ADGRL3: variants seen among roughly 807,000 people sequenced by gnomAD.
ADGRL3 encodes the protein adhesion G protein-coupled receptor L3.
Under a neutral mutation model 153.5 loss-of-function variants are expected in ADGRL3, and 62 were observed. The ratio of observed to expected loss-of-function variants is 0.40; its 90% confidence interval spans 0.33 to 0.50. ADGRL3 has a LOEUF of 0.50. ADGRL3 is among the 20% of genes least tolerant of loss of function. The probability of loss-of-function intolerance (pLI) is 0.47; values close to 1 mark genes in which losing one functional copy is unlikely to be tolerated. For synonymous variants in ADGRL3, 710 were observed against 672.5 expected (o/e 1.06, Z -0.86); for missense variants, 1,641 against 1,859.4 (o/e 0.88, Z 2.16).
At chr4:62,052,399 G>A (rs1734699027) in intron 25 of ADGRL3, among the ~76,000 whole-genome samples, 1 of 151,078 alleles carries the variant, frequency 6.6e-6, no homozygotes, top group African/African-American at 2.4e-5. Context: ...CTATTCATTT[G>A]CTTCCATTTT....
At chr4:61,865,987 A>G (rs1027595425) in intron 9 of ADGRL3, among the ~76,000 whole-genome samples, 2 of 152,190 alleles carry the variant, frequency 1.3e-5, no homozygotes, top group Non-Finnish European at 2.9e-5. Context: ...GTGAAAATGA[A>G]TGATGCATGT....
chr4:61,947,227 A>G (rs2098928661), intron 16 of ADGRL3, 105 bp downstream of exon 16: 5 of 888,994 alleles, frequency 5.6e-6, no homozygotes, highest in Non-Finnish European at 8.5e-6. Flanking sequence ...TATTTGACAT[A>G]TAACAGTTCA....
In ADGRL3 at chr4:62,037,842, T is replaced by C; in HGVS notation, c.3703T>C (p.Ser1235Pro). Residue 1235 changes from serine (S) to proline (P), a missense_variant, in exon 24 of 27, where the codon TCC (serine) becomes CCC (proline). Transcript: ENST00000683033. ...TGGTTCTCGAACTCCTGGACGCTACTCCACAGGCTCACAGGTAAACAATAT... is the reference window on the plus strand; with the variant it reads ...TGGTTCTCGAACTCCTGGACGCTACCCCACAGGCTCACAGGTAAACAATAT... ...TSGSRTPGRY[S>P]TGSQSRIRRM... 1.2e-6 allele frequency: 2 copies of C among 1,613,720 alleles called. No individual in the cohort carries two copies. Among genetic ancestry groups the C allele is most frequent in the Non-Finnish European group, 1.7e-6 (2 of 1,179,742 alleles).
chr4:61,366,565 G>C (rs1446663285), intron 1 of ADGRL3, among the ~76,000 whole-genome samples: 2 of 152,122 alleles, frequency 1.3e-5, no homozygotes, highest in African/African-American at 4.8e-5. Context: ...TTAAGTAGTT[G>C]TGGATCCTAA....
intron 2 of ADGRL3, among the ~76,000 whole-genome samples, chr4:61,455,645 A>G (rs1400971857): frequency 6.6e-6 from 1 of 151,936 alleles, no homozygotes; most frequent in Non-Finnish European, 1.5e-5. Context: ...CTGCTATTCT[A>G]TTTCATTGTA....
At chr4:61,564,426 C>T (rs2098808530) in intron 4 of ADGRL3, among the ~76,000 whole-genome samples, 1 of 152,100 alleles carries the variant, frequency 6.6e-6, no homozygotes, top group African/African-American at 2.4e-5. Context: ...AGGTGCACAC[C>T]ACAATGCCTG....
chr4:61,551,096 G>A (rs2098738303), intron 4 of ADGRL3, among the ~76,000 whole-genome samples: 1 of 152,028 alleles, frequency 6.6e-6, no homozygotes, highest in African/African-American at 2.4e-5. Context: ...ATGTTAGTAG[G>A]CTGTAAGTAA....
chr4:61,953,245 T>C (rs2098954097), intron 17 of ADGRL3, among the ~76,000 whole-genome samples: 1 of 152,110 alleles, frequency 6.6e-6, no homozygotes, highest in Admixed American at 6.6e-5. Context: ...TACAGGAAAA[T>C]CTGTAAAGGA....
chr4:61,966,437 A>G (rs571055076), intron 17 of ADGRL3, among the ~76,000 whole-genome samples: 1 of 152,316 alleles, frequency 6.6e-6, no homozygotes, highest in South Asian at 2.1e-4. Context: ...ATGACTCTGT[A>G]AGAATGATAA....
At chr4:62,007,383 T>TATATATATATATATACACAG (rs71213024) in intron 21 of ADGRL3, among the ~76,000 whole-genome samples, 1 of 30,782 alleles carries the variant, frequency 3.2e-5, no homozygotes, top group Admixed American at 4.2e-4. Context: ...TATATATATA[T>TATATATATATATATACACAG]ACACACACAC....
chr4:61,449,515 T>C (rs1370179525), intron 2 of ADGRL3, among the ~76,000 whole-genome samples: 2 of 152,036 alleles, frequency 1.3e-5, no homozygotes, highest in Non-Finnish European at 2.9e-5. Flanking sequence ...GCAGGTACAG[T>C]TTAAAAGTAC....
intron 5 of ADGRL3, among the ~76,000 whole-genome samples, chr4:61,668,435 G>A (rs993722840): frequency 3.3e-5 from 5 of 152,128 alleles, no homozygotes; most frequent in Non-Finnish European, 5.9e-5. Context: ...TTAAGTTAGT[G>A]GTAGTTTGAT....
At chr4:61,271,071 A>G (rs1052897163) in intron 1 of ADGRL3, among the ~76,000 whole-genome samples, 1 of 151,826 alleles carries the variant, frequency 6.6e-6, no homozygotes, top group African/African-American at 2.4e-5. Flanking sequence ...TAAAAAAATA[A>G]TAGTAACAGG....
chr4:61,407,959 T>C (rs555602643), intron 2 of ADGRL3, among the ~76,000 whole-genome samples: 22 of 152,112 alleles, frequency 1.4e-4, no homozygotes, highest in Admixed American at 5.2e-4. Flanking sequence ...TTATGAGGAA[T>C]GCATCTGGAA....
chr4:61,788,335 A>G lies in ADGRL3; in HGVS notation c.1400-25474A>G, dbSNP rs1443217515. On this transcript the variant is annotated intron_variant, in intron 8 of 26. Transcript: ENST00000683033. ...GGTACTGGTATCCATGCCTGAGAGA[A>G]CTGAAGACAGATCACATCACATGAC... Among the ~76,000 whole-genome samples, 3 of 152,150 alleles carry G rather than the reference A, an allele frequency of 2.0e-5. No individual in the cohort carries two copies. In the East Asian group the frequency reaches 5.8e-4, roughly 29 times the overall value.
At chr4:61,379,232 G>T (rs1173946025) in intron 1 of ADGRL3, among the ~76,000 whole-genome samples, 1 of 151,906 alleles carries the variant, frequency 6.6e-6, no homozygotes, top group Admixed American at 6.6e-5. Context: ...TAAGTAAAAA[G>T]ATAACATTTG....
intron 24 of ADGRL3, among the ~76,000 whole-genome samples, chr4:62,038,514 A>G (rs1256927524): frequency 6.6e-6 from 1 of 152,070 alleles, no homozygotes; most frequent in Non-Finnish European, 1.5e-5. Flanking sequence ...AATTTTAGCA[A>G]CTCTTGGATG....
chr4:61,397,452 A>G (rs928986220), intron 2 of ADGRL3, among the ~76,000 whole-genome samples: 1 of 151,942 alleles, frequency 6.6e-6, no homozygotes. Context: ...ATGAAAGCAC[A>G]TGACCTTCTG....
intron 5 of ADGRL3, among the ~76,000 whole-genome samples, chr4:61,644,130 G>C (rs2093834486): frequency 8.7e-6 from 1 of 114,382 alleles, no homozygotes; most frequent in South Asian, 3.4e-4. Flanking sequence ...GGGATCGGTG[G>C]TGATATCCCC....
Sources: allele counts gnomAD v4.1 joint callset (sites outside exome capture counted in the v4.1 genomes callset), GRCh38; gene constraint gnomAD v4.1.1; transcripts MANE v1.5; gene names NCBI Gene and HGNC (gene_info 2026-07-23, HGNC 2026-07-21).